KLF17: variants seen among roughly 807,000 people sequenced by gnomAD.
The protein encoded by KLF17 is KLF transcription factor 17.
A neutral mutation model predicts 34.2 loss-of-function variants in KLF17; 31 were observed. That is an observed-to-expected ratio of 0.91 (90% CI 0.68 to 1.22). The LOEUF is 1.22. Among genes scored for constraint, KLF17 ranks in the 50% most tolerant of loss-of-function variants. The probability of loss-of-function intolerance (pLI) is 0.00; values close to 1 mark genes in which losing one functional copy is unlikely to be tolerated. For synonymous variants in KLF17, 179 were observed against 186.7 expected, an observed-to-expected ratio of 0.96 and a Z score of 0.34; for missense variants, 478 against 505.2, an observed-to-expected ratio of 0.95 and a Z score of 0.52.
chr1:44,066,113 TC>T, the KLF17 span, among the ~76,000 whole-genome samples: 1 of 152,142 alleles, frequency 6.6e-6, no homozygotes, highest in Non-Finnish European at 1.5e-5. Flanking sequence ...ACTTAGAAGT[TC>T]CAGGCCAGCC....
chr1:44,068,850 G>T, the KLF17 span, among the ~76,000 whole-genome samples: 5 of 152,150 alleles, frequency 3.3e-5, no homozygotes, highest in African/African-American at 1.2e-4. Context: ...AGTAAAAATA[G>T]TTTGTCCCCT....
chr1:44,129,272 T>G, intron 1 of KLF17, 81 bp from the exon 2 acceptor site: 1 of 1,442,352 alleles, frequency 6.9e-7, no homozygotes, highest in Non-Finnish European at 9.3e-7. Context: ...AGGGCTGGAT[T>G]AGGATGGGGT....
the KLF17 span, among the ~76,000 whole-genome samples, chr1:44,075,253 A>G: frequency 2.0e-5 from 3 of 152,336 alleles, no homozygotes; most frequent in African/African-American, 7.2e-5. Context: ...CTACCAACAC[A>G]ACAGCATAAC....
At chr1:44,068,410 T>TA in the KLF17 span, among the ~76,000 whole-genome samples, 2 of 152,138 alleles carry the variant, frequency 1.3e-5, no homozygotes, top group African/African-American at 4.8e-5. Context: ...GGTGAGGACA[T>TA]ACCAGCCAGG....
the KLF17 span, among the ~76,000 whole-genome samples, chr1:44,098,915 A>T: frequency 6.9e-6 from 1 of 145,038 alleles, no homozygotes; most frequent in Admixed American, 6.9e-5. Context: ...TTTTTTTGAG[A>T]CAGGGTCTTA....
chr1:44,094,116 G>A, the KLF17 span, among the ~76,000 whole-genome samples: 2 of 152,144 alleles, frequency 1.3e-5, no homozygotes, highest in African/African-American at 4.8e-5. Context: ...CTGACTGCAG[G>A]ACTGTTGACC....
the KLF17 span, among the ~76,000 whole-genome samples, chr1:44,087,777 C>T: frequency 1.4e-4 from 18 of 130,880 alleles, no homozygotes; most frequent in African/African-American, 4.1e-4. Flanking sequence ...TATACACACA[C>T]ACACACACAC....
rs1234143689 is a variant in KLF17 at position 44,129,954 on chromosome 1, A to G, written c.683A>G (p.Gln228Arg). 1 of 1,614,144 alleles carries G rather than the reference A, an allele frequency of 6.2e-7. No individual in the cohort carries two copies. Among genetic ancestry groups the G allele is most frequent in the East Asian group, 2.2e-5 (1 of 44,870 alleles). Residue 228 changes from glutamine (Q) to arginine (R), a missense_variant, in exon 2 of 4, where the codon CAG (glutamine) becomes CGG (arginine). Gln to Arg is a conservative substitution (Grantham distance 43, BLOSUM62 1). Coordinates refer to ENST00000372299, the MANE Select transcript of KLF17 (RefSeq NM_173484.4). ...CTTGGGATGCCCCCAGCTGAGTCCC[A>G]GTCATTGCTGGTTTTAGGATCTCAG... ...HDLGMPPAES[Q>R]SLLVLGSQDS...
chr1:44,080,709 T>C, the KLF17 span, among the ~76,000 whole-genome samples: 4 of 145,436 alleles, frequency 2.8e-5, no homozygotes, highest in East Asian at 2.0e-4. Context: ...GTGAATTATA[T>C]TGAATTTTTT....
At chr1:44,064,266 A>G in the KLF17 span, among the ~76,000 whole-genome samples, 10 of 152,350 alleles carry the variant, frequency 6.6e-5, no homozygotes, top group African/African-American at 2.2e-4. Context: ...AAATTCTCAT[A>G]AAAAGATATA....
the KLF17 span, among the ~76,000 whole-genome samples, chr1:44,093,062 T>G: frequency 7.9e-5 from 12 of 152,228 alleles, no homozygotes; most frequent in South Asian, 2.3e-3. Flanking sequence ...CAAGTGGAAA[T>G]GTAATAAGGG....
chr1:44,051,630 C>A, the KLF17 span: 1 of 152,220 alleles, frequency 6.6e-6, no homozygotes, highest in African/African-American at 2.4e-5. Context: ...CACCCTTTTC[C>A]CTGATTGTTT....
chr1:44,118,816 GTGGCGTGGCGA>G, exon 1 of KLF17: 1 of 912,958 alleles, frequency 1.1e-6, no homozygotes. Context: ...GAAGGTGATT[GTGGCGTGGCGA>G]TGTACCGATA....
chr1:44,058,904 C>G, the KLF17 span, among the ~76,000 whole-genome samples: 2 of 151,786 alleles, frequency 1.3e-5, no homozygotes, highest in African/African-American at 4.8e-5. Context: ...AACAAAATAT[C>G]GCTCCCTTCA....
the KLF17 span, among the ~76,000 whole-genome samples, chr1:44,112,570 A>G: frequency 6.6e-6 from 1 of 151,788 alleles, no homozygotes; most frequent in Non-Finnish European, 1.5e-5. Flanking sequence ...ATGCCTGGCC[A>G]TTTTTATTGT....
rs1268980340 is a variant in KLF17, at chr1:44,122,163, G to T, written c.81+3175G>T. On this transcript the variant is annotated intron_variant, in intron 1 of 3. Coordinates refer to ENST00000372299, the MANE Select transcript of KLF17 (RefSeq NM_173484.4). ...TAATCCTGAGAGACATTATCGCCTA[G>T]GACCCCCTCTTCCTCTGCCACGGCC... 23 of 1,577,162 alleles carry T rather than the reference G, an allele frequency of 1.5e-5. 2 individuals carry two copies. The highest frequency in any genetic ancestry group is 1.9e-5 in the Non-Finnish European group (22 of 1,150,612).
chr1:44,100,556 A>C, the KLF17 span, among the ~76,000 whole-genome samples: 17 of 152,230 alleles, frequency 1.1e-4, no homozygotes, highest in African/African-American at 1.4e-4. Flanking sequence ...ACCGCACTGG[A>C]GGAAAAAATA....
the KLF17 span, chr1:44,045,219 G>A: frequency 6.6e-6 from 1 of 152,304 alleles, no homozygotes; most frequent in African/African-American, 2.4e-5. Context: ...GCCATGCAAG[G>A]GTTGTGGGTG....
chr1:44,099,746 G>A, the KLF17 span, among the ~76,000 whole-genome samples: 19 of 131,360 alleles, frequency 1.4e-4, no homozygotes, highest in Admixed American at 6.4e-4. Context: ...CCCAGGTGGC[G>A]GAGGTTGTGG....
Sources: allele counts gnomAD v4.1 joint callset (sites outside exome capture counted in the v4.1 genomes callset), GRCh38; gene constraint gnomAD v4.1.1; transcripts MANE v1.5; gene names NCBI Gene and HGNC (gene_info 2026-07-23, HGNC 2026-07-21).